The following SNX3 variants were observed in gnomAD, a reference collection of about 807,000 sequenced individuals.
SNX3 encodes sorting nexin 3.
In SNX3, 5 loss-of-function variants were observed where a neutral mutation model predicts 17.7. The ratio of observed to expected loss-of-function variants is 0.28; its 90% CI spans 0.15 to 0.59. The LOEUF (loss-of-function observed/expected upper bound fraction) is 0.59, where lower values mean the gene tolerates loss of function less well. SNX3 is among the 20% of genes least tolerant of loss of function. The pLI, the probability that SNX3 is intolerant of heterozygous loss-of-function variation, is 0.88. For synonymous variants in SNX3, 91 were observed against 76.5 expected, an observed-to-expected ratio of 1.19 and a Z score of -0.99; for missense variants, 132 against 206.8, an observed-to-expected ratio of 0.64 and a Z score of 2.22.
chr6:108,255,919 A>C (rs1776014945), intron 1 of SNX3, among the ~76,000 whole-genome samples: 1 of 152,184 alleles, frequency 6.6e-6, no homozygotes, highest in African/African-American at 2.4e-5. Context: ...TTATGCTTTA[A>C]TAAAGCTCAA....
chr6:108,239,867 T>G (rs777006034), intron 1 of SNX3, among the ~76,000 whole-genome samples: 2 of 152,190 alleles, frequency 1.3e-5, no homozygotes, highest in Non-Finnish European at 2.9e-5. Context: ...TTAAGAAGCT[T>G]CTAAAAACAT....
chr6:108,238,292 G>C (rs1244785527), intron 1 of SNX3, among the ~76,000 whole-genome samples: 1 of 151,982 alleles, frequency 6.6e-6, no homozygotes, highest in Non-Finnish European at 1.5e-5. Context: ...ACATAGGTCA[G>C]GAAAGAGAAT....
At position 108,222,182 on chromosome 6, in the gene SNX3, C is replaced by T. The variant is rs183614747; in HGVS notation, c.258+768G>A. On this transcript the variant is annotated intron_variant, in intron 2 of 3. Transcript: ENST00000230085. ...ATTAAACTTGAGAAATGAGTACAGA[C>T]TAGCCTTCATCTAGTTCAGGACTCC... 1.6e-4 allele frequency: 211 copies of T among 1,297,074 alleles called. No homozygotes were observed. In the African/African-American group the frequency reaches 2.9e-3, roughly 18 times the overall value. The allele number at this position is 1,297,074 out of a possible 1,614,324, so 80.3% of individuals were successfully genotyped here.
intron 2 of SNX3, chr6:108,222,233 C>T (rs2114714970): frequency 7.7e-7 from 1 of 1,304,240 alleles, no homozygotes; most frequent in Non-Finnish European, 1.0e-6. Context: ...TTTTTACCTA[C>T]TTTCTAGTCA....
intron 2 of SNX3, among the ~76,000 whole-genome samples, chr6:108,216,033 C>CACT: frequency 6.6e-6 from 1 of 152,312 alleles, no homozygotes; most frequent in African/African-American, 2.4e-5. Context: ...TCTACCCTAG[C>CACT]ACTACTGAGA....
chr6:108,211,364 A>G lies in SNX3; in HGVS notation c.*785T>C, dbSNP rs1774400906. ...GTTGTTGTTAAAAATACCCCATTCA[A>G]TGGATGGAAGTATATTTGATATCAC... On this transcript the variant is annotated 3_prime_UTR_variant, in exon 4 of 4. Coordinates refer to ENST00000230085, the MANE Select transcript of SNX3 (RefSeq NM_003795.6). 1 of 152,202 alleles carries G rather than the reference A, an allele frequency of 6.6e-6. No homozygotes were observed. The highest frequency in any genetic ancestry group is 2.4e-5 in the African/African-American group (1 of 41,458). 9.4% of individuals were successfully genotyped at this position (152,202 alleles called of 1,614,324 possible). A position where few individuals can be genotyped will look rare whatever the true frequency, so the allele number is the denominator to read the frequency against.
At chr6:108,250,638 G>T (rs891380898) in intron 1 of SNX3, among the ~76,000 whole-genome samples, 1 of 152,130 alleles carries the variant, frequency 6.6e-6, no homozygotes, top group African/African-American at 2.4e-5. Context: ...CAAGAGAGGG[G>T]TGAGATACCA....
intron 2 of SNX3, among the ~76,000 whole-genome samples, chr6:108,215,660 G>C (rs1774545690): frequency 6.6e-6 from 1 of 152,076 alleles, no homozygotes; most frequent in African/African-American, 2.4e-5. Context: ...ATTATTCTGG[G>C]CCAGGTGCAG....
rs1405371238 is a variant in SNX3, at chr6:108,223,062, T to C, written c.163-17A>G. Reference sequence around the variant, plus strand: ...AAGATTTGTCTGAAACAAAAAAAGTTAGTCCTAAATTGAAGCACATTAAGG... The same window carrying C: ...AAGATTTGTCTGAAACAAAAAAAGTCAGTCCTAAATTGAAGCACATTAAGG... On this transcript the variant is annotated splice_polypyrimidine_tract_variant and intron_variant, in intron 1 of 3. Transcript: ENST00000230085. The C allele has an allele frequency of 2.1e-6, 3 of 1,439,392 alleles. No individual in the cohort carries two copies. Among genetic ancestry groups the C allele is most frequent in the Admixed American group, 1.8e-5 (1 of 56,960 alleles). The allele number at this position is 1,439,392 out of a possible 1,614,324, so 89.2% of individuals were successfully genotyped here.
At chr6:108,226,964 C>G (rs963886676) in intron 1 of SNX3, among the ~76,000 whole-genome samples, 1 of 152,074 alleles carries the variant, frequency 6.6e-6, no homozygotes, top group African/African-American at 2.4e-5. Context: ...AAAATTGCAC[C>G]TAACAAGACT....
intron 1 of SNX3, among the ~76,000 whole-genome samples, chr6:108,224,319 C>T (rs9372185): frequency 0.088 from 13,455 of 152,108 alleles, 744 homozygotes; most frequent in Admixed American, 0.17. Flanking sequence ...CTCGCTCTGT[C>T]GCCCAGGCTG....
At chr6:108,225,640 C>G (rs949256709) in intron 1 of SNX3, among the ~76,000 whole-genome samples, 1 of 151,042 alleles carries the variant, frequency 6.6e-6, no homozygotes, top group Admixed American at 6.6e-5. Flanking sequence ...TCAAACAAAA[C>G]AAAACAAAAA....
chr6:108,259,384 C>T (rs898437168), intron 1 of SNX3, among the ~76,000 whole-genome samples: 1 of 152,218 alleles, frequency 6.6e-6, no homozygotes, highest in African/African-American at 2.4e-5. Flanking sequence ...CAGGCATGCG[C>T]CACCACACCC....
intron 1 of SNX3, among the ~76,000 whole-genome samples, chr6:108,227,243 T>C (rs1174821583): frequency 6.6e-6 from 1 of 152,206 alleles, no homozygotes; most frequent in Non-Finnish European, 1.5e-5. Flanking sequence ...AGATTTTACA[T>C]TCTGAATTCC....
chr6:108,212,354 T>G (rs1229083478), intron 3 of SNX3, 100 bp from the exon 4 acceptor site: 1 of 788,544 alleles, frequency 1.3e-6, no homozygotes, highest in East Asian at 2.9e-5. Context: ...ATTTTTTTTT[T>G]TTTGAGATGG....
intron 2 of SNX3, among the ~76,000 whole-genome samples, chr6:108,221,269 TG>T (rs1774761594): frequency 6.6e-6 from 1 of 151,364 alleles, no homozygotes; most frequent in African/African-American, 2.4e-5. Context: ...AGTTTAGCTT[TG>T]TTTTTTTTTT....
At chr6:108,236,812 TAC>T (rs1395617372) in intron 1 of SNX3, among the ~76,000 whole-genome samples, 2 of 152,206 alleles carry the variant, frequency 1.3e-5, no homozygotes, top group Admixed American at 1.3e-4. Context: ...ACATGAGTGA[TAC>T]ATATATTAAT....
rs1277670868 is a variant in SNX3 at position 108,211,550 on chromosome 6, CAACTT to C, written c.*594_*598del. On this transcript the variant is annotated 3_prime_UTR_variant, in exon 4 of 4. Coordinates refer to ENST00000230085, the MANE Select transcript of SNX3 (RefSeq NM_003795.6). ...ATGCATTTTAATTTTTATTTGAAAA[CAACTT>C]AAATTTTTAGACAAATGATTTTAGT... is the stretch of plus-strand genomic sequence containing the variant. 5 of 152,590 alleles carry C rather than the reference CAACTT, an allele frequency of 3.3e-5. No homozygotes were observed. Among genetic ancestry groups the C allele is most frequent in the African/African-American group, 4.8e-5 (2 of 41,438 alleles). 9.5% of individuals were successfully genotyped at this position (152,590 alleles called of 1,614,324 possible).
chr6:108,221,758 T>C (rs1350197460), intron 2 of SNX3, among the ~76,000 whole-genome samples: 4 of 151,932 alleles, frequency 2.6e-5, no homozygotes, highest in Non-Finnish European at 5.9e-5. Context: ...TTGCCCACGC[T>C]GGTCTCGAAC....
Sources: gnomAD v4.1 joint callset for allele counts (sites outside exome capture counted in the v4.1 genomes callset) on GRCh38, gnomAD v4.1.1 for gene constraint, MANE v1.5 for transcripts, NCBI Gene and HGNC (gene_info 2026-07-23, HGNC 2026-07-21) for gene names.